The following FAM169A variants were observed in gnomAD, a reference collection of about 807,000 sequenced individuals.
The protein encoded by FAM169A is soluble lamin-associated protein of 75 kDa.
A neutral mutation model predicts 75.7 loss-of-function variants in FAM169A; 24 were observed. The observed-to-expected ratio is 0.32, with a 90% confidence interval of 0.23 to 0.45. The LOEUF (loss-of-function observed/expected upper bound fraction) is 0.45, where lower values mean the gene tolerates loss of function less well. Among genes scored for constraint, FAM169A ranks in the 20% least tolerant of loss-of-function variants. The pLI is 1.00. For missense variants in FAM169A, 673 were observed against 784.0 expected (o/e 0.86, Z 1.69); for synonymous variants, 271 against 271.0 (o/e 1.00, Z 0.00).
chr5:74,854,842 T>C (rs1749626934), intron 1 of FAM169A, among the ~76,000 whole-genome samples: 2 of 152,238 alleles, frequency 1.3e-5, no homozygotes, highest in South Asian at 4.1e-4. Context: ...CATATTTTCT[T>C]TATCCATTCA....
At chr5:74,805,626 G>C (rs1308219104) in intron 6 of FAM169A, among the ~76,000 whole-genome samples, 1 of 145,668 alleles carries the variant, frequency 6.9e-6, no homozygotes, top group Non-Finnish European at 1.5e-5. Flanking sequence ...CGCCTCCTAG[G>C]TTCAAGCAAT....
At chr5:74,819,221 G>C (rs898342256) in intron 5 of FAM169A, among the ~76,000 whole-genome samples, 2 of 80,808 alleles carry the variant, frequency 2.5e-5, no homozygotes, top group Non-Finnish European at 5.4e-5. Context: ...TCGTCTCAAA[G>C]AAAAAAAAAA....
At chr5:74,812,295 T>C (rs1488612446) in intron 6 of FAM169A, among the ~76,000 whole-genome samples, 2 of 152,052 alleles carry the variant, frequency 1.3e-5, no homozygotes, top group African/African-American at 4.8e-5. Flanking sequence ...AGCTAATTTT[T>C]TTTGTAATTT....
intron 2 of FAM169A, 40 bp downstream of exon 2, chr5:74,841,505 A>C: frequency 6.8e-7 from 1 of 1,479,708 alleles, no homozygotes; most frequent in Non-Finnish European, 9.1e-7. Flanking sequence ...GTATAAACTG[A>C]ACTGAAAAGA....
In FAM169A at chr5:74,778,734, C is replaced by G. The variant is rs1745251660; in HGVS notation, c.*2726G>C. The G allele has an allele frequency of 6.6e-6, 1 of 152,056 alleles. No homozygotes were observed. Among genetic ancestry groups the G allele is most frequent in the Non-Finnish European group, 1.5e-5 (1 of 67,924 alleles). The allele number at this position is 152,056 out of a possible 1,614,324, so 9.4% of individuals were successfully genotyped here. A position where few individuals can be genotyped will look rare whatever the true frequency, so the allele number is the denominator to read the frequency against. ...AAAGAACTAAAATACTAATAACCATCTGCTTTATATTACACAAGGAAATAT... is the reference window on the plus strand; with the variant it reads ...AAAGAACTAAAATACTAATAACCATGTGCTTTATATTACACAAGGAAATAT... On this transcript the variant is annotated 3_prime_UTR_variant, in exon 13 of 13. Transcript: ENST00000687041.
intron 10 of FAM169A, among the ~76,000 whole-genome samples, chr5:74,798,100 C>T (rs967051607): frequency 2.0e-5 from 3 of 151,988 alleles, no homozygotes; most frequent in African/African-American, 7.3e-5. Context: ...GCCCAAATGC[C>T]AAATCTCTCC....
intron 1 of FAM169A, among the ~76,000 whole-genome samples, chr5:74,864,630 A>C (rs16872364): frequency 6.6e-6 from 1 of 152,082 alleles, no homozygotes; most frequent in Non-Finnish European, 1.5e-5. Context: ...TCCACAGGTA[A>C]AACACCTTAA....
chr5:74,841,287 T>C (rs557081991), intron 2 of FAM169A, among the ~76,000 whole-genome samples: 1 of 152,270 alleles, frequency 6.6e-6, no homozygotes, highest in Admixed American at 6.5e-5. Context: ...GCAGCTCAAA[T>C]ATAGTAAACA....
In FAM169A at chr5:74,801,646, T is replaced by C. The variant is rs746927904; in HGVS notation, c.913-17A>G. 16 of 1,601,606 alleles carry C rather than the reference T, an allele frequency of 1.0e-5. No homozygotes were observed. Among genetic ancestry groups the C allele is most frequent in the African/African-American group, 1.3e-5 (1 of 74,232 alleles). On this transcript the variant is annotated splice_polypyrimidine_tract_variant and intron_variant, in intron 8 of 12. Coordinates refer to ENST00000687041, the MANE Select transcript of FAM169A (RefSeq NM_001376049.1). ...AGAATCAATCTAAAAAAGAGAGAGA[T>C]TCAAACCCAAAGTTTTAGACTATTT...
intron 11 of FAM169A, among the ~76,000 whole-genome samples, chr5:74,790,614 T>C (rs933894597): frequency 6.6e-6 from 1 of 152,154 alleles, no homozygotes; most frequent in Non-Finnish European, 1.5e-5. Flanking sequence ...TAGGATGACT[T>C]GTTCTGTGGA....
At chr5:74,798,650 C>A (rs1284657114) in intron 10 of FAM169A, among the ~76,000 whole-genome samples, 1 of 152,120 alleles carries the variant, frequency 6.6e-6, no homozygotes, top group Non-Finnish European at 1.5e-5. Flanking sequence ...AAATGGTTGA[C>A]TCAGGAACAG....
At chr5:74,811,908 C>A (rs1747213631) in intron 6 of FAM169A, among the ~76,000 whole-genome samples, 1 of 152,150 alleles carries the variant, frequency 6.6e-6, no homozygotes, top group African/African-American at 2.4e-5. Flanking sequence ...ATAAAGCAAC[C>A]TGACACATTG....
chr5:74,826,340 G>C (rs1186554249), intron 5 of FAM169A, among the ~76,000 whole-genome samples: 1 of 152,184 alleles, frequency 6.6e-6, no homozygotes, highest in Non-Finnish European at 1.5e-5. Flanking sequence ...TTAAGAATGA[G>C]ATATTAAAAA....
intron 10 of FAM169A, chr5:74,799,586 C>T (rs2112522230): frequency 6.7e-7 from 1 of 1,482,100 alleles, no homozygotes; most frequent in East Asian, 2.3e-5. Context: ...ATGTCAGAGT[C>T]TGGTGGCGGT....
intron 1 of FAM169A, among the ~76,000 whole-genome samples, chr5:74,848,009 T>C (rs1749248615): frequency 6.6e-6 from 1 of 152,142 alleles, no homozygotes; most frequent in African/African-American, 2.4e-5. Context: ...ACTGTATCCA[T>C]CATAGCTTTT....
chr5:74,856,330 G>C (rs571111596), intron 1 of FAM169A, among the ~76,000 whole-genome samples: 5 of 152,094 alleles, frequency 3.3e-5, no homozygotes, highest in Middle Eastern at 3.4e-3. Flanking sequence ...AATGTCATTG[G>C]TATTTTAATA....
At chr5:74,783,336 G>A (rs1478434219) in intron 11 of FAM169A, among the ~76,000 whole-genome samples, 2 of 152,144 alleles carry the variant, frequency 1.3e-5, no homozygotes, top group Non-Finnish European at 2.9e-5. Context: ...ATAATCCTGA[G>A]TACCCCGTAC....
intron 1 of FAM169A, among the ~76,000 whole-genome samples, chr5:74,851,116 A>T (rs1749420657): frequency 6.6e-6 from 1 of 152,208 alleles, no homozygotes; most frequent in South Asian, 2.1e-4. Flanking sequence ...TGTACAGCAA[A>T]GTCTGGAAGG....
chr5:74,832,236 T>C (rs1157064712), intron 5 of FAM169A, among the ~76,000 whole-genome samples: 1 of 151,714 alleles, frequency 6.6e-6, no homozygotes, highest in Non-Finnish European at 1.5e-5. Context: ...AAAATAACAG[T>C]AGAAAAAAAC....
Sources: gnomAD v4.1 joint callset for allele counts (sites outside exome capture counted in the v4.1 genomes callset) on GRCh38, gnomAD v4.1.1 for gene constraint, MANE v1.5 for transcripts, NCBI Gene and HGNC (gene_info 2026-07-23, HGNC 2026-07-21) for gene names.